CLCC1: variants seen among roughly 807,000 people sequenced by gnomAD.
CLCC1 encodes the protein chloride channel CLIC-like protein 1.
Under a neutral mutation model 63.3 loss-of-function variants are expected in CLCC1, and 39 were observed. The observed-to-expected ratio is 0.62, with a 90% confidence interval of 0.48 to 0.81. The LOEUF (loss-of-function observed/expected upper bound fraction) is 0.81, where lower values mean the gene tolerates loss of function less well. Among genes scored for constraint, CLCC1 ranks in the 30% least tolerant of loss-of-function variants. CLCC1 has a pLI of 0.00. For synonymous variants in CLCC1, 217 were observed against 239.8 expected (o/e 0.90, Z 0.88); for missense variants, 549 against 669.4 (o/e 0.82, Z 1.98).
chr1:108,936,812 G>A (rs1025704170), intron 11 of CLCC1, among the ~76,000 whole-genome samples: 2 of 152,170 alleles, frequency 1.3e-5, no homozygotes, highest in Admixed American at 6.5e-5. Context: ...CTCATACGCT[G>A]GCTTCCCATG....
intron 2 of CLCC1, among the ~76,000 whole-genome samples, chr1:108,955,279 AT>A (rs1395323213): frequency 1.3e-5 from 2 of 151,546 alleles, no homozygotes; most frequent in Non-Finnish European, 1.5e-5. Flanking sequence ...CAAGATAGTG[AT>A]AAATCCTAAG....
In CLCC1 at chr1:108,929,822, A is replaced by G; in HGVS notation, c.*2725T>C. 1 of 1,613,858 alleles carries G rather than the reference A, an allele frequency of 6.2e-7. No individual in the cohort carries two copies. The highest frequency in any genetic ancestry group is 1.6e-4 in the Middle Eastern group (1 of 6,062). ...TCCCAGGGAAAGAGAATGGATGAAC[A>G]GAGAGTTCTTTTACAAAGAGATCAA... On this transcript the variant is annotated 3_prime_UTR_variant, in exon 13 of 13. Coordinates refer to ENST00000369969, the MANE Select transcript of CLCC1 (RefSeq NM_001377458.1).
chr1:108,959,132 CCA>C (rs777344001), intron 2 of CLCC1, among the ~76,000 whole-genome samples: 7 of 152,294 alleles, frequency 4.6e-5, no homozygotes, highest in Non-Finnish European at 8.8e-5. Flanking sequence ...CGAGATCACG[CCA>C]TTGCACTCCA....
intron 5 of CLCC1, among the ~76,000 whole-genome samples, chr1:108,946,241 C>T (rs768834509): frequency 2.0e-5 from 3 of 149,528 alleles, no homozygotes; most frequent in Non-Finnish European, 4.4e-5. Context: ...ACCTGGGAGG[C>T]GGAGCTTGCA....
rs776718749 is a variant in CLCC1 at position 108,943,261 on chromosome 1, G to GA, written c.702+213dup. 2.0e-5 allele frequency among the ~76,000 whole-genome samples: 3 copies of GA among 152,136 alleles called. No homozygotes were observed. The East Asian group carries it at 5.8e-4, about 29-fold the overall frequency. ...CAAATGTTAACATTAACTGGGTTAT[G>GA]AAAATTAGGACTGAACTTTTTTACC... On this transcript the variant is annotated intron_variant, in intron 7 of 12. Coordinates refer to ENST00000369969, the MANE Select transcript of CLCC1 (RefSeq NM_001377458.1).
At chr1:108,954,035 C>T (rs955648983) in intron 2 of CLCC1, among the ~76,000 whole-genome samples, 2 of 148,450 alleles carry the variant, frequency 1.3e-5, no homozygotes, top group Admixed American at 1.3e-4. Flanking sequence ...AAAACACATC[C>T]GACTGGAGAA....
At chr1:108,951,131 G>A (rs1014972222) in intron 2 of CLCC1, among the ~76,000 whole-genome samples, 1 of 152,182 alleles carries the variant, frequency 6.6e-6, no homozygotes, top group African/African-American at 2.4e-5. Context: ...ACAGGGCCAG[G>A]TGTGGTGGCT....
At chr1:108,936,099 T>C (rs370061841) in intron 11 of CLCC1, among the ~76,000 whole-genome samples, 2 of 145,464 alleles carry the variant, frequency 1.4e-5, no homozygotes, top group African/African-American at 5.1e-5. Context: ...TTTTTTTTTT[T>C]TTTTTTTTTT....
chr1:108,934,326 T>G, intron 12 of CLCC1: 1 of 232,530 alleles, frequency 4.3e-6, no homozygotes, highest in Non-Finnish European at 8.5e-6. Context: ...TTCCCGTAAG[T>G]GCCTGTAACA....
chr1:108,932,169 G>A lies in CLCC1; in HGVS notation c.*378C>T, dbSNP rs2101593106. 1 of 152,332 alleles carries A rather than the reference G, an allele frequency of 6.6e-6. No homozygotes were observed. The highest frequency in any genetic ancestry group is 1.5e-5 in the Non-Finnish European group (1 of 68,074). The allele number at this position is 152,332 out of a possible 1,614,324, so 9.4% of individuals were successfully genotyped here. A position where few individuals can be genotyped will look rare whatever the true frequency, so the allele number is the denominator to read the frequency against. On this transcript the variant is annotated 3_prime_UTR_variant, in exon 13 of 13. Coordinates refer to ENST00000369969, the MANE Select transcript of CLCC1 (RefSeq NM_001377458.1). ...CACATCTGTAATCCTAGCTACTCGG[G>A]AGACTGAGGCAGGAGAATCTCTTGA... is the stretch of plus-strand genomic sequence containing the variant.
At position 108,931,183 on chromosome 1, in the gene CLCC1, T is replaced by C. The variant is rs1651888785; in HGVS notation, c.*1364A>G. 1.1e-6 allele frequency: 1 copy of C among 904,826 alleles called. No individual in the cohort carries two copies. Among genetic ancestry groups the C allele is most frequent in the Non-Finnish European group, 1.6e-6 (1 of 639,952 alleles). The allele number at this position is 904,826 out of a possible 1,614,324, so 56.0% of individuals were successfully genotyped here. A position where few individuals can be genotyped will look rare whatever the true frequency, so the allele number is the denominator to read the frequency against. ...ATATAAAAACAAAAAACAAAACCCA[T>C]GTGGTTAGGTCAAGAACCTAGGACA... On this transcript the variant is annotated 3_prime_UTR_variant, in exon 13 of 13. Coordinates refer to ENST00000369969, the MANE Select transcript of CLCC1 (RefSeq NM_001377458.1).
At chr1:108,936,726 T>C (rs1653070477) in intron 11 of CLCC1, among the ~76,000 whole-genome samples, 1 of 152,220 alleles carries the variant, frequency 6.6e-6, no homozygotes, top group African/African-American at 2.4e-5. Context: ...AGGGCTCTAC[T>C]GTACCTTCCC....
chr1:108,963,398 T>C lies in CLCC1; in HGVS notation c.-210A>G. On this transcript the variant is annotated 5_prime_UTR_variant, in exon 1 of 13. Transcript: ENST00000369969. ...CTGCCTGCCTCTCGAGGAAGACACCTGCCCAGGCCGGCCGCAGAAGAGGTC... is the reference window on the plus strand; with the variant it reads ...CTGCCTGCCTCTCGAGGAAGACACCCGCCCAGGCCGGCCGCAGAAGAGGTC... 2 of 701,726 alleles carry C rather than the reference T, an allele frequency of 2.9e-6. No individual in the cohort carries two copies. The highest frequency in any genetic ancestry group is 5.2e-6 in the Non-Finnish European group (2 of 384,358). The allele number at this position is 701,726 out of a possible 1,614,324, so 43.5% of individuals were successfully genotyped here. A position where few individuals can be genotyped will look rare whatever the true frequency, so the allele number is the denominator to read the frequency against.
chr1:108,956,399 C>T (rs1008721759), intron 2 of CLCC1, among the ~76,000 whole-genome samples: 6 of 151,430 alleles, frequency 4.0e-5, no homozygotes, highest in Non-Finnish European at 8.8e-5. Context: ...TGGTGGCTCA[C>T]ACCTGTAATC....
In CLCC1 at chr1:108,931,615, T is replaced by TTAAG. The variant is rs1456028099; in HGVS notation, c.*928_*931dup. 5 of 1,231,386 alleles carry TTAAG rather than the reference T, an allele frequency of 4.1e-6. No individual in the cohort carries two copies. The highest frequency in any genetic ancestry group is 2.7e-5 in the East Asian group (1 of 36,688). The allele number at this position is 1,231,386 out of a possible 1,614,324, so 76.3% of individuals were successfully genotyped here. On this transcript the variant is annotated 3_prime_UTR_variant, in exon 13 of 13. Transcript: ENST00000369969. Reference sequence around the variant, plus strand: ...GAGTCATAACCTGGAATTAATTACATTAAGTGCTCAGCTAAAAAAAAAAAA... The same window carrying TTAAG: ...GAGTCATAACCTGGAATTAATTACATTAAGTAAGTGCTCAGCTAAAAAAAAAAAA...
intron 5 of CLCC1, among the ~76,000 whole-genome samples, chr1:108,946,267 G>A (rs1349663001): frequency 6.8e-6 from 1 of 146,468 alleles, no homozygotes; most frequent in East Asian, 2.0e-4. Flanking sequence ...CGGAGATTGC[G>A]CCACTGCACT....
chr1:108,939,791 A>G lies in CLCC1; in HGVS notation c.895-9T>C. The G allele has an allele frequency of 6.2e-7, 1 of 1,611,982 alleles. No individual in the cohort carries two copies. Among genetic ancestry groups the G allele is most frequent in the Non-Finnish European group, 8.5e-7 (1 of 1,179,166 alleles). On this transcript the variant is annotated splice_polypyrimidine_tract_variant and intron_variant, in intron 9 of 12. Coordinates refer to ENST00000369969, the MANE Select transcript of CLCC1 (RefSeq NM_001377458.1). ...AATGTAACTGCAAGTGCCTAAAACG[A>G]GAGAAAAGCAACTTAATTTTCTCCT...
chr1:108,949,795 A>G, intron 4 of CLCC1, 25 bp downstream of exon 4: 1 of 1,220,298 alleles, frequency 8.2e-7, no homozygotes, highest in Non-Finnish European at 1.1e-6. Context: ...ATAAAAATAT[A>G]AAATTTATCA....
chr1:108,936,171 C>T (rs1190719437), intron 11 of CLCC1, among the ~76,000 whole-genome samples: 1 of 146,578 alleles, frequency 6.8e-6, no homozygotes. Flanking sequence ...CGGCTCACTG[C>T]AACCTCCGCC....
Sources: allele counts gnomAD v4.1 joint callset (sites outside exome capture counted in the v4.1 genomes callset), GRCh38; gene constraint gnomAD v4.1.1; transcripts MANE v1.5; gene names NCBI Gene and HGNC (gene_info 2026-07-23, HGNC 2026-07-21).